KAZN: variants seen among roughly 807,000 people sequenced by gnomAD.
KAZN encodes kazrin.
KAZN carries 40 observed loss-of-function variants against 87.4 expected under a neutral mutation model. The ratio of observed to expected loss-of-function variants is 0.46; its 90% confidence interval spans 0.36 to 0.60. KAZN has a LOEUF of 0.60. Ranked by LOEUF, KAZN falls within the 20% of genes least tolerant of loss-of-function variation. The pLI is 0.00. For synonymous variants in KAZN, 466 were observed against 458.3 expected (o/e 1.02, Z -0.22); for missense variants, 898 against 1,073.9 (o/e 0.84, Z 2.29).
At chr1:14,840,906 T>C (rs766003965) in intron 1 of KAZN, among the ~76,000 whole-genome samples, 37 of 152,268 alleles carry the variant, frequency 2.4e-4, no homozygotes, top group Non-Finnish European at 3.5e-4. Context: ...AAGGCCATAA[T>C]CACTTTCATA....
intron 1 of KAZN, among the ~76,000 whole-genome samples, chr1:14,032,905 T>A (rs772869585): frequency 1.2e-4 from 18 of 152,100 alleles, no homozygotes; most frequent in Non-Finnish European, 2.2e-4. Flanking sequence ...TGGAGAGGCT[T>A]CAGATGATGG....
chr1:14,630,522 A>G (rs1336784611), intron 1 of KAZN, among the ~76,000 whole-genome samples: 2 of 152,168 alleles, frequency 1.3e-5, no homozygotes, highest in African/African-American at 4.8e-5. Context: ...CCTCATCTCT[A>G]TGTTAATTAA....
intron 2 of KAZN, among the ~76,000 whole-genome samples, chr1:14,472,065 G>T (rs562656598): frequency 6.6e-6 from 1 of 152,266 alleles, no homozygotes; most frequent in South Asian, 2.1e-4. Flanking sequence ...TGCTTCAATA[G>T]ATGGCACTTT....
chr1:13,892,922 A>C (rs997560117), exon 1 of KAZN: 6 of 152,148 alleles, frequency 3.9e-5, no homozygotes, highest in African/African-American at 1.4e-4. Context: ...CCCTGCTGCC[A>C]CGCGAGGAGT....
At chr1:14,391,647 CA>C (rs1473715309) in intron 2 of KAZN, 1 of 152,196 alleles carries the variant, frequency 6.6e-6, no homozygotes, top group African/African-American at 2.4e-5. Context: ...TGTTAGTTCA[CA>C]GTTAACACTG....
At chr1:15,083,786 T>A (rs1354280249) in intron 8 of KAZN, among the ~76,000 whole-genome samples, 2 of 152,148 alleles carry the variant, frequency 1.3e-5, no homozygotes, top group Non-Finnish European at 2.9e-5. Flanking sequence ...TGTGAGAGTA[T>A]CTTCCCACAC....
At chr1:14,379,363 G>A (rs890232418) in intron 2 of KAZN, among the ~76,000 whole-genome samples, 1 of 151,990 alleles carries the variant, frequency 6.6e-6, no homozygotes, top group Admixed American at 6.6e-5. Context: ...AAAGTAGGGG[G>A]AAAAGTAAAC....
intron 2 of KAZN, among the ~76,000 whole-genome samples, chr1:14,224,711 A>G (rs530506558): frequency 2.0e-5 from 3 of 152,262 alleles, no homozygotes; most frequent in African/African-American, 4.8e-5. Flanking sequence ...GTAATCAGAA[A>G]GATGTTAACA....
chr1:14,882,203 T>C (rs1434208174), intron 1 of KAZN, among the ~76,000 whole-genome samples: 1 of 152,244 alleles, frequency 6.6e-6, no homozygotes, highest in East Asian at 1.9e-4. Flanking sequence ...TGTTATCTCA[T>C]GCAAATTCAG....
rs765777030 is a variant in KAZN at position 14,773,750 on chromosome 1, C to T, written c.226+174527C>T. On this transcript the variant is annotated intron_variant, in intron 1 of 14. Coordinates refer to ENST00000376030, the MANE Select transcript of KAZN (RefSeq NM_201628.3). This position sits in a 1 kb window ranked among gnomAD's most constrained non-coding sequence, Gnocchi z 5.9. Reference sequence around the variant, plus strand: ...GCTAATGAGGCCTCTGTGGCCTGGGCTTCCGGGGCTGCCATCTCTAATGAA... The same window carrying T: ...GCTAATGAGGCCTCTGTGGCCTGGGTTTCCGGGGCTGCCATCTCTAATGAA... Among the ~76,000 whole-genome samples the T allele has an allele frequency of 3.9e-5, 6 of 152,192 alleles. No individual in the cohort carries two copies. The highest frequency in any genetic ancestry group is 2.1e-4 in the South Asian group (1 of 4,832).
intron 2 of KAZN, among the ~76,000 whole-genome samples, chr1:14,255,299 C>T (rs184293751): frequency 6.6e-6 from 1 of 152,190 alleles, no homozygotes; most frequent in Admixed American, 6.5e-5. Context: ...GGATCCATCC[C>T]TATCACCCAA....
chr1:14,746,348 TCTC>T (rs1644259784), intron 1 of KAZN, among the ~76,000 whole-genome samples: 1 of 152,094 alleles, frequency 6.6e-6, no homozygotes, highest in African/African-American at 2.4e-5. Flanking sequence ...AGTGGCCTCT[TCTC>T]CACCACTCAA....
chr1:13,896,259 C>T (rs1639039174), intron 1 of KAZN, among the ~76,000 whole-genome samples: 1 of 152,096 alleles, frequency 6.6e-6, no homozygotes, highest in African/African-American at 2.4e-5. Flanking sequence ...TGAAAGCAGC[C>T]ACAGACAAAG....
chr1:14,728,289 TAAAAAAA>T lies in KAZN; in HGVS notation c.226+129085_226+129091del, dbSNP rs55745144. 5.5e-3 allele frequency among the ~76,000 whole-genome samples: 165 copies of T among 29,830 alleles called. 1 individual carries two copies. Among genetic ancestry groups the T allele is most frequent in the Middle Eastern group, 0.022 (1 of 46 alleles). The allele number at this position is 29,830 out of a possible 152,430, so 19.6% of individuals were successfully genotyped here. A position where few individuals can be genotyped will look rare whatever the true frequency, so the allele number is the denominator to read the frequency against. On this transcript the variant is annotated intron_variant, in intron 1 of 14. Transcript: ENST00000376030. ...CAGCAAGAGTGAAACACCGTATATA[TAAAAAAA>T]AAAAAAAAAAAAAAAAAAGAATCTA...
intron 1 of KAZN, among the ~76,000 whole-genome samples, chr1:13,999,089 C>T (rs1332603601): frequency 2.0e-5 from 3 of 152,182 alleles, no homozygotes; most frequent in Admixed American, 6.5e-5. Context: ...GTGGCTCATG[C>T]CTGTAATCCC....
At chr1:14,207,230 C>T (rs998442269) in intron 2 of KAZN, among the ~76,000 whole-genome samples, 18 of 152,154 alleles carry the variant, frequency 1.2e-4, no homozygotes, top group Non-Finnish European at 2.4e-4. Flanking sequence ...TCCCAAAGTG[C>T]TAGGATTACA....
chr1:14,395,976 G>A (rs934954487), intron 2 of KAZN, among the ~76,000 whole-genome samples: 12 of 151,904 alleles, frequency 7.9e-5, no homozygotes, highest in African/African-American at 2.9e-4. Flanking sequence ...AGACCAGCCT[G>A]ACCACCATGG....
At position 14,776,256 on chromosome 1, in the gene KAZN, G is replaced by A. The variant is rs180699925; in HGVS notation, c.226+177033G>A. On this transcript the variant is annotated intron_variant, in intron 1 of 14. Coordinates refer to ENST00000376030, the MANE Select transcript of KAZN (RefSeq NM_201628.3). The stretch of plus-strand genomic sequence containing the variant: ...TGACCTCAGGTGATCTGCCCGCTTC[G>A]GCCTCCCAAAGTGCTGGGATTACAG... 1.3e-3 allele frequency among the ~76,000 whole-genome samples: 203 copies of A among 152,290 alleles called. 1 individual carries two copies. Among genetic ancestry groups the A allele is most frequent in the African/African-American group, 4.5e-3 (188 of 41,566 alleles).
At chr1:14,718,993 G>A (rs1642953258) in intron 1 of KAZN, among the ~76,000 whole-genome samples, 1 of 152,138 alleles carries the variant, frequency 6.6e-6, no homozygotes, top group Non-Finnish European at 1.5e-5. Context: ...GGCTGGGATT[G>A]TCTGAGTCTC....
Sources: gnomAD v4.1 joint callset for allele counts (sites outside exome capture counted in the v4.1 genomes callset) on GRCh38, gnomAD v4.1.1 for gene constraint, Gnocchi (gnomAD v3.1) non-coding constraint, MANE v1.5 for transcripts, NCBI Gene and HGNC (gene_info 2026-07-23, HGNC 2026-07-21) for gene names.